Variants in TLE4 observed in about 807,000 individuals in gnomAD.
The protein encoded by TLE4 is TLE family member 4, transcriptional corepressor.
TLE4 carries 8 observed loss-of-function variants against 92.8 expected under a neutral mutation model. The ratio of observed to expected loss-of-function variants is 0.09; its 90% CI spans 0.05 to 0.16. TLE4 has a LOEUF of 0.16. TLE4 is among the 10% of genes least tolerant of loss of function. TLE4 has a pLI of 1.00. For synonymous variants in TLE4, 371 were observed against 374.1 expected, an observed-to-expected ratio of 0.99 and a Z score of 0.10; for missense variants, 675 against 997.6, an observed-to-expected ratio of 0.68 and a Z score of 4.36.
intron 4 of TLE4, among the ~76,000 whole-genome samples, chr9:79,576,976 CATACATATATAT>C (rs929416097): frequency 7.3e-4 from 110 of 151,376 alleles, no homozygotes; most frequent in African/African-American, 2.5e-3. Context: ...AATATATATA[CATACATATATAT>C]ATATAAATAT....
At chr9:79,694,276 AT>A (rs1174698139) in intron 8 of TLE4, among the ~76,000 whole-genome samples, 12 of 152,204 alleles carry the variant, frequency 7.9e-5, no homozygotes, top group African/African-American at 2.4e-5. Context: ...GTCCTTTATA[AT>A]TTAGTTCTCT....
chr9:79,574,038 G>C (rs753226261), intron 2 of TLE4: 1 of 283,386 alleles, frequency 3.5e-6, no homozygotes, highest in African/African-American at 2.2e-5. Flanking sequence ...AAACGCTGAG[G>C]CCAAACTTTC....
intron 4 of TLE4, among the ~76,000 whole-genome samples, chr9:79,587,086 A>AG (rs1313477106): frequency 2.6e-5 from 4 of 152,238 alleles, no homozygotes; most frequent in Non-Finnish European, 5.9e-5. Flanking sequence ...TGTTTACAGA[A>AG]GAATATGTTT....
At position 79,723,025 on chromosome 9, in the gene TLE4, G is replaced by T. The variant is rs141002447; in HGVS notation, c.2204G>T (p.Ser735Ile). Reference sequence around the variant, plus strand: ...GCCTGGAGAACACCTTATGGGGCCAGTATATTCCAGGTAACATGGAACTTG... The same window carrying T: ...GCCTGGAGAACACCTTATGGGGCCATTATATTCCAGGTAACATGGAACTTG... ...LNAWRTPYGA[S>I]IFQSKESSSV... The change falls in exon 19 of 20, where the codon AGT becomes ATT. Residue 735 changes from serine (S) to isoleucine (I), a missense_variant. Coordinates refer to ENST00000376552, the MANE Select transcript of TLE4 (RefSeq NM_007005.6). 2 of 1,614,078 alleles carry T rather than the reference G, an allele frequency of 1.2e-6. No homozygotes were observed. Among genetic ancestry groups the T allele is most frequent in the Non-Finnish European group, 1.7e-6 (2 of 1,179,946 alleles).
intron 8 of TLE4, among the ~76,000 whole-genome samples, chr9:79,694,216 C>CA (rs1043104544): frequency 1.3e-5 from 2 of 152,132 alleles, no homozygotes; most frequent in African/African-American, 4.8e-5. Flanking sequence ...GACCAGGACT[C>CA]ACAATTGTCT....
chr9:79,637,324 C>G (rs778918749), intron 6 of TLE4, among the ~76,000 whole-genome samples: 2 of 152,170 alleles, frequency 1.3e-5, no homozygotes, highest in Non-Finnish European at 2.9e-5. Flanking sequence ...TCCAGCTTTA[C>G]AAATAATGAA....
At chr9:79,723,565 A>G (rs1032179876) in intron 19 of TLE4, among the ~76,000 whole-genome samples, 2 of 152,204 alleles carry the variant, frequency 1.3e-5, no homozygotes, top group African/African-American at 4.8e-5. Flanking sequence ...GTACACATAT[A>G]TGCACGCGTG....
At chr9:79,642,935 A>G (rs1295219499) in intron 6 of TLE4, among the ~76,000 whole-genome samples, 2 of 152,178 alleles carry the variant, frequency 1.3e-5, no homozygotes, top group Non-Finnish European at 2.9e-5. Context: ...CTCTAAATGC[A>G]TGTCTTCTCC....
intron 16 of TLE4, among the ~76,000 whole-genome samples, chr9:79,720,762 A>G (rs1422205380): frequency 6.6e-6 from 1 of 152,126 alleles, no homozygotes. Flanking sequence ...TGCCATACAC[A>G]TCTAACAGGT....
intron 6 of TLE4, among the ~76,000 whole-genome samples, chr9:79,630,067 C>T (rs189588520): frequency 2.5e-4 from 38 of 152,262 alleles, no homozygotes; most frequent in African/African-American, 8.9e-4. Context: ...GAGGCAAAGA[C>T]CCATCTAAGC....
intron 4 of TLE4, among the ~76,000 whole-genome samples, chr9:79,606,195 T>G (rs953004128): frequency 1.4e-4 from 10 of 72,588 alleles, no homozygotes; most frequent in African/African-American, 3.3e-4. Context: ...TTGTTTTTTT[T>G]TTTTTTTTTT....
Position 79,618,857 on chromosome 9 carries a change from C to T in TLE4, c.315+6139C>T, listed in dbSNP as rs2791575. ...GGTTTAACAAATGAAATAAAGAAGA[C>T]GTTATTCTTTTTACAATATTTAACA... On this transcript the variant is annotated intron_variant, in intron 5 of 19. Coordinates refer to ENST00000376552, the MANE Select transcript of TLE4 (RefSeq NM_007005.6). Among the ~76,000 whole-genome samples, 314 of 152,098 alleles carry T rather than the reference C, an allele frequency of 2.1e-3. 1 individual carries two copies. Among genetic ancestry groups the T allele is most frequent in the Non-Finnish European group, 3.6e-3 (246 of 67,990 alleles).
intron 1 of TLE4, chr9:79,573,122 AG>A (rs1313827998): frequency 1.2e-4 from 77 of 620,396 alleles, no homozygotes; most frequent in East Asian, 7.5e-4. Context: ...CGACTCCTCG[AG>A]GGGGGGTGGC....
chr9:79,646,751 A>G (rs1360451786), intron 6 of TLE4, among the ~76,000 whole-genome samples: 1 of 152,186 alleles, frequency 6.6e-6, no homozygotes, highest in Non-Finnish European at 1.5e-5. Flanking sequence ...TAATATTTTA[A>G]TATCTCTGTC....
Position 79,584,072 on chromosome 9 carries a change from G to A in TLE4, c.252+7895G>A, listed in dbSNP as rs76356662. Among the ~76,000 whole-genome samples, 1,063 of 152,340 alleles carry A rather than the reference G, an allele frequency of 7.0e-3. 13 individuals carry two copies. The highest frequency in any genetic ancestry group is 0.025 in the African/African-American group (1,023 of 41,586). On this transcript the variant is annotated intron_variant, in intron 4 of 19. Transcript: ENST00000376552. The stretch of plus-strand genomic sequence containing the variant: ...AGAGTTCACGCAGGTCAGCGAATGC[G>A]CCTGAGGTTGCATAGTGAGAGTCAC...
In TLE4 at chr9:79,693,080, G is replaced by A. The variant is rs1332830027; in HGVS notation, c.610-11703G>A. Among the ~76,000 whole-genome samples, 4 of 152,124 alleles carry A rather than the reference G, an allele frequency of 2.6e-5. No individual in the cohort carries two copies. The East Asian group carries it at 7.7e-4, about 29-fold the overall frequency. ...CTTTAGACTCTACTCTCTAATCTCA[G>A]TGCTGGCTATAAAGCTGGTGCCTTT... On this transcript the variant is annotated intron_variant, in intron 8 of 19. Coordinates refer to ENST00000376552, the MANE Select transcript of TLE4 (RefSeq NM_007005.6).
At chr9:79,649,929 T>TG (rs993499050) in intron 6 of TLE4, 8 of 1,308,326 alleles carry the variant, frequency 6.1e-6, no homozygotes, top group African/African-American at 1.5e-5. Flanking sequence ...TTTTGTTTTT[T>TG]TTTTGAGACA....
At chr9:79,583,073 A>G (rs1001975608) in intron 4 of TLE4, among the ~76,000 whole-genome samples, 4 of 152,192 alleles carry the variant, frequency 2.6e-5, no homozygotes, top group African/African-American at 9.6e-5. Flanking sequence ...CCTTAGTAAT[A>G]GCTCTCAGTG....
At chr9:79,712,356 A>G (rs2073524491) in intron 14 of TLE4, among the ~76,000 whole-genome samples, 1 of 152,198 alleles carries the variant, frequency 6.6e-6, no homozygotes, top group Admixed American at 6.5e-5. Flanking sequence ...TACTTTTATT[A>G]TAGATTTTTA....
Sources: gnomAD v4.1 joint callset for allele counts (sites outside exome capture counted in the v4.1 genomes callset) on GRCh38, gnomAD v4.1.1 for gene constraint, MANE v1.5 for transcripts, NCBI Gene and HGNC (gene_info 2026-07-23, HGNC 2026-07-21) for gene names.